The following ZNF605 variants were observed in gnomAD, a reference collection of about 807,000 sequenced individuals.
ZNF605 encodes the protein zinc finger protein 605.
A neutral mutation model predicts 7.9 loss-of-function variants in ZNF605; 9 were observed. The observed-to-expected ratio is 1.14, with a 90% CI of 0.68 to 1.98. ZNF605 has a LOEUF of 1.98. ZNF605 is among the 30% of genes most tolerant of loss of function. ZNF605 has a pLI of 0.00. For missense variants in ZNF605, 673 were observed against 762.4 expected (o/e 0.88, Z 1.38); for synonymous variants, 255 against 260.1 (o/e 0.98, Z 0.19).
At chr12:132,954,809 C>G (rs993997418) in intron 1 of ZNF605, among the ~76,000 whole-genome samples, 1 of 152,042 alleles carries the variant, frequency 6.6e-6, no homozygotes, top group Non-Finnish European at 1.5e-5. Context: ...CCAATGACGC[C>G]AAGTATGACC....
chr12:132,928,253 C>T (rs1952268512), intron 4 of ZNF605, among the ~76,000 whole-genome samples: 1 of 152,108 alleles, frequency 6.6e-6, no homozygotes, highest in African/African-American at 2.4e-5. Context: ...TGTACAATAT[C>T]AACTTTACAC....
At chr12:132,949,024 G>A (rs920190046) in intron 1 of ZNF605, among the ~76,000 whole-genome samples, 98 of 152,286 alleles carry the variant, frequency 6.4e-4, no homozygotes, top group Middle Eastern at 3.4e-3. Context: ...TCTGTTGGGG[G>A]AAAGGCTTAT....
chr12:132,947,694 T>C (rs1473129247), intron 2 of ZNF605, among the ~76,000 whole-genome samples: 2 of 152,202 alleles, frequency 1.3e-5, no homozygotes, highest in African/African-American at 4.8e-5. Flanking sequence ...TGGCAGATTT[T>C]AGGTTTATTT....
At chr12:132,929,751 C>T (rs2137128859) in intron 4 of ZNF605, among the ~76,000 whole-genome samples, 1 of 152,210 alleles carries the variant, frequency 6.6e-6, no homozygotes, top group South Asian at 2.1e-4. Flanking sequence ...TCGAGACCAG[C>T]CTGGCCAACA....
intron 1 of ZNF605, among the ~76,000 whole-genome samples, chr12:132,955,901 C>T (rs1450566133): frequency 2.6e-5 from 4 of 151,966 alleles, no homozygotes; most frequent in Non-Finnish European, 5.9e-5. Context: ...CACCCCAAGT[C>T]TACAGCGACC....
chr12:132,937,820 T>C (rs1473560490), intron 3 of ZNF605, among the ~76,000 whole-genome samples: 1 of 152,182 alleles, frequency 6.6e-6, no homozygotes, highest in Non-Finnish European at 1.5e-5. Context: ...AATAAGTGAA[T>C]GGATAGAGAC....
rs1952324618 is a variant in ZNF605 at position 132,933,276 on chromosome 12, T to G, written c.16-121A>C. ...GCCCCAGTGACCTCTGACTCCGGTATTCATGCTTTTGCATAATCCTCCCCT... is the reference window on the plus strand; with the variant it reads ...GCCCCAGTGACCTCTGACTCCGGTAGTCATGCTTTTGCATAATCCTCCCCT... On this transcript the variant is annotated intron_variant, in intron 3 of 4. Coordinates refer to ENST00000360187, the MANE Select transcript of ZNF605 (RefSeq NM_183238.4). The surrounding 1 kb of genome is among the most constrained non-coding windows in gnomAD (Gnocchi z 4.4). The G allele has an allele frequency of 8.7e-7, 1 of 1,147,682 alleles. No individual in the cohort carries two copies. The highest frequency in any genetic ancestry group is 1.6e-5 in the African/African-American group (1 of 64,116). The allele number at this position is 1,147,682 out of a possible 1,614,324, so 71.1% of individuals were successfully genotyped here.
In ZNF605 at chr12:132,933,898, A is replaced by G. The variant is rs1165729843; in HGVS notation, c.16-743T>C. ...ATTTGAGAACCATTCTTAGGTAAGG[A>G]ATACTGTTCCATGCAGTTGAGCCCT... On this transcript the variant is annotated intron_variant, in intron 3 of 4. Coordinates refer to ENST00000360187, the MANE Select transcript of ZNF605 (RefSeq NM_183238.4). The surrounding 1 kb of genome is among the most constrained non-coding windows in gnomAD (Gnocchi z 4.4). 6.6e-6 allele frequency among the ~76,000 whole-genome samples: 1 copy of G among 152,316 alleles called. No individual in the cohort carries two copies. Among genetic ancestry groups the G allele is most frequent in the Non-Finnish European group, 1.5e-5 (1 of 68,038 alleles).
chr12:132,934,106 C>CA (rs1952334521), intron 3 of ZNF605, among the ~76,000 whole-genome samples: 1 of 151,012 alleles, frequency 6.6e-6, no homozygotes, highest in African/African-American at 2.4e-5. Flanking sequence ...AACACACACA[C>CA]ACACACATGC....
At chr12:132,955,208 T>G (rs1357433693) in intron 1 of ZNF605, among the ~76,000 whole-genome samples, 1 of 150,756 alleles carries the variant, frequency 6.6e-6, no homozygotes, top group East Asian at 2.0e-4. Flanking sequence ...GCAAAAAGGG[T>G]TTTTCTTTCA....
At chr12:132,951,869 TCATACACA>T (rs1381495188) in intron 1 of ZNF605, among the ~76,000 whole-genome samples, 3 of 145,402 alleles carry the variant, frequency 2.1e-5, no homozygotes, top group Non-Finnish European at 3.0e-5. Context: ...ATACTCACAC[TCATACACA>T]CATACACACT....
rs1021690825 is a variant in ZNF605 at position 132,927,027 on chromosome 12, C to T, written c.272G>A (p.Arg91Gln). The T allele has an allele frequency of 2.3e-5, 37 of 1,609,942 alleles. No homozygotes were observed. Among genetic ancestry groups the T allele is most frequent in the East Asian group, 1.6e-4 (7 of 44,874 alleles). Residue 91 changes from arginine (R) to glutamine (Q), a missense_variant, in exon 5 of 5, where the codon CGA (arginine) becomes CAA (glutamine). Coordinates refer to ENST00000360187, the MANE Select transcript of ZNF605 (RefSeq NM_183238.4). ...SSINIVHVGLRSHKCGTGEKS... is the reference protein window; with the variant it reads ...SSINIVHVGLQSHKCGTGEKS... ...TTCTCCTGTGCCACATTTATGGGAT[C>T]GCAGTCCTACATGAACAATGTTTAT...
intron 1 of ZNF605, among the ~76,000 whole-genome samples, chr12:132,949,862 G>A (rs897053458): frequency 2.0e-5 from 3 of 152,330 alleles, no homozygotes; most frequent in Non-Finnish European, 4.4e-5. Context: ...GGCTTCGCCC[G>A]TTCGCAGCTG....
At chr12:132,938,921 G>T (rs1214719614) in intron 3 of ZNF605, among the ~76,000 whole-genome samples, 3 of 152,074 alleles carry the variant, frequency 2.0e-5, no homozygotes, top group South Asian at 2.1e-4. Flanking sequence ...AGGGTGTACT[G>T]GGTCCCCCAG....
chr12:132,942,296 C>A (rs1356923066), intron 3 of ZNF605, among the ~76,000 whole-genome samples: 2 of 152,228 alleles, frequency 1.3e-5, no homozygotes, highest in Non-Finnish European at 2.9e-5. Context: ...GGTCCTCTTG[C>A]TGCCTTTCCA....
In ZNF605 at chr12:132,920,412, T is replaced by A. The variant is rs1457286892; in HGVS notation, c.*4961A>T. 4 of 152,370 alleles carry A rather than the reference T, an allele frequency of 2.6e-5. No individual in the cohort carries two copies. The East Asian group carries it at 7.7e-4, about 29-fold the overall frequency. 9.4% of individuals were successfully genotyped at this position (152,370 alleles called of 1,614,324 possible). On this transcript the variant is annotated 3_prime_UTR_variant, in exon 5 of 5. Transcript: ENST00000360187. ...CCTTGGCCTCCCAAAGTGCTGGGATTACAGGCGTGAGCCACCGCGCCTGGC... is the reference window on the plus strand; with the variant it reads ...CCTTGGCCTCCCAAAGTGCTGGGATAACAGGCGTGAGCCACCGCGCCTGGC...
intron 4 of ZNF605, among the ~76,000 whole-genome samples, chr12:132,929,011 C>T (rs1410675761): frequency 1.0e-4 from 15 of 144,870 alleles, no homozygotes; most frequent in African/African-American, 3.9e-4. Context: ...GAGACACAGG[C>T]TCAAAAACAA....
Position 132,941,580 on chromosome 12 carries a change from G to A in ZNF605, c.15+4041C>T, listed in dbSNP as rs1327015714. On this transcript the variant is annotated intron_variant, in intron 3 of 4. Transcript: ENST00000360187. This position sits in a 1 kb window ranked among gnomAD's most constrained non-coding sequence, Gnocchi z 5.1. ...CATGGGGCGTCTGAGGAACCGTATC[G>A]CTCACGAGCAACAGGGTAACTGACT... Among the ~76,000 whole-genome samples, 3 of 152,316 alleles carry A rather than the reference G, an allele frequency of 2.0e-5. No homozygotes were observed. In the East Asian group the frequency reaches 5.8e-4, roughly 29 times the overall value.
At chr12:132,931,073 G>A (rs976636962) in intron 4 of ZNF605, among the ~76,000 whole-genome samples, 2 of 152,108 alleles carry the variant, frequency 1.3e-5, no homozygotes, top group Admixed American at 6.5e-5. Flanking sequence ...CAGCTACTGG[G>A]GAGGCTAAAG....
Sources: allele counts gnomAD v4.1 joint callset (sites outside exome capture counted in the v4.1 genomes callset), GRCh38; gene constraint gnomAD v4.1.1; non-coding constraint Gnocchi (gnomAD v3.1); transcripts MANE v1.5; gene names NCBI Gene and HGNC (gene_info 2026-07-23, HGNC 2026-07-21).